Variants in SP100 observed in about 807,000 individuals in gnomAD.
SP100 encodes nuclear autoantigen Sp-100.
Under a neutral mutation model 130.0 loss-of-function variants are expected in SP100, and 84 were observed. That is an observed-to-expected ratio of 0.65 (90% confidence interval 0.54 to 0.77). SP100 has a LOEUF of 0.77. Ranked by LOEUF, SP100 falls within the 30% of genes least tolerant of loss-of-function variation. SP100 has a pLI of 0.00. For synonymous variants in SP100, 331 were observed against 351.7 expected (o/e 0.94, Z 0.66); for missense variants, 978 against 1,052.2 (o/e 0.93, Z 0.97).
chr2:230,476,123 T>G (rs149817522), intron 17 of SP100, among the ~76,000 whole-genome samples: 29 of 152,366 alleles, frequency 1.9e-4, no homozygotes, highest in African/African-American at 6.7e-4. Flanking sequence ...TAAATTGATT[T>G]AAACAGTATA....
chr2:230,472,427 C>CAAAAAAAAAAAAAAA (rs201703163), intron 15 of SP100, among the ~76,000 whole-genome samples: 2 of 61,320 alleles, frequency 3.3e-5, no homozygotes, highest in Non-Finnish European at 5.4e-5. Context: ...GACTCCGTCT[C>CAAAAAAAAAAAAAAA]AAAAAAAAAA....
In SP100 at chr2:230,543,716, T is replaced by C. The variant is rs1692247832; in HGVS notation, c.*770T>C. ...CCTGTGTAGAAACAGTCAATATCAT[T>C]AAAATGACCATACTGCCCAAAGCAG... is the stretch of plus-strand genomic sequence containing the variant. On this transcript the variant is annotated 3_prime_UTR_variant, in exon 29 of 29. Coordinates refer to ENST00000340126, the MANE Select transcript of SP100 (RefSeq NM_001080391.2). The C allele has an allele frequency of 2.0e-5, 3 of 152,168 alleles. No individual in the cohort carries two copies. Among genetic ancestry groups the C allele is most frequent in the Admixed American group, 2.0e-4 (3 of 15,268 alleles). 9.4% of individuals were successfully genotyped at this position (152,168 alleles called of 1,614,324 possible). A position where few individuals can be genotyped will look rare whatever the true frequency, so the allele number is the denominator to read the frequency against.
At chr2:230,478,621 A>G (rs1290176393) in intron 17 of SP100, among the ~76,000 whole-genome samples, 4 of 152,082 alleles carry the variant, frequency 2.6e-5, no homozygotes, top group African/African-American at 7.2e-5. Flanking sequence ...TTCCACAACT[A>G]TGGGTCGAGG....
chr2:230,515,269 G>C, intron 24 of SP100: 4 of 1,611,518 alleles, frequency 2.5e-6, no homozygotes, highest in Non-Finnish European at 3.4e-6. Context: ...CCCTCCTAAA[G>C]GGGAGAAAAA....
chr2:230,444,200 A>C lies in SP100; in HGVS notation c.293A>C (p.Asn98Thr). 1 of 1,584,594 alleles carries C rather than the reference A, an allele frequency of 6.3e-7. No individual in the cohort carries two copies. Among genetic ancestry groups the C allele is most frequent in the Non-Finnish European group, 8.5e-7 (1 of 1,170,066 alleles). ...AAGGATTCTCAAGATTCTTGTAGAA[A>C]CCTGGTCCCTGTACAGAGAGTGGTG... The part of the protein sequence containing the change: ...MFEDSQDSCR[N>T]LVPVQRVVYN... The change falls in exon 4 of 29, where the codon AAC (asparagine) becomes ACC (threonine). Residue 98 changes from asparagine to threonine, a missense_variant. Asn to Thr is a moderately conservative substitution (Grantham distance 65, BLOSUM62 0). Coordinates refer to ENST00000340126, the MANE Select transcript of SP100 (RefSeq NM_001080391.2).
intron 8 of SP100, among the ~76,000 whole-genome samples, chr2:230,451,809 T>C (rs983295459): frequency 1.6e-4 from 7 of 43,222 alleles, no homozygotes; most frequent in African/African-American, 6.7e-4. Flanking sequence ...TTTGAGTTAA[T>C]TTTTTAATAT....
intron 2 of SP100, among the ~76,000 whole-genome samples, chr2:230,438,639 G>GTGTATATA (rs1553634650): frequency 5.3e-4 from 71 of 135,134 alleles, no homozygotes; most frequent in Admixed American, 1.0e-3. Context: ...ACTCCATGGT[G>GTGTATATA]TATATATATA....
intron 8 of SP100, among the ~76,000 whole-genome samples, chr2:230,457,763 G>A (rs548654189): frequency 2.6e-5 from 4 of 152,256 alleles, no homozygotes; most frequent in East Asian, 1.9e-4. Flanking sequence ...TGCATAGGTC[G>A]TTGTTCACAT....
chr2:230,484,870 T>A lies in SP100; in HGVS notation c.1601-9546T>A, dbSNP rs2065991641. 2.0e-5 allele frequency among the ~76,000 whole-genome samples: 3 copies of A among 152,138 alleles called. No individual in the cohort carries two copies. The South Asian group carries it at 6.2e-4, about 31-fold the overall frequency. On this transcript the variant is annotated intron_variant, in intron 17 of 28. Coordinates refer to ENST00000340126, the MANE Select transcript of SP100 (RefSeq NM_001080391.2). The stretch of plus-strand genomic sequence containing the variant: ...TGTTCTAACTTTTCCGAGGCATATG[T>A]TTAATTCAACTGGTGTCTTTTTTTC...
intron 5 of SP100, among the ~76,000 whole-genome samples, chr2:230,447,319 A>T (rs976676305): frequency 1.2e-4 from 18 of 152,210 alleles, no homozygotes; most frequent in African/African-American, 4.3e-4. Flanking sequence ...GACACCAAAC[A>T]TGTCGGTGAT....
At chr2:230,531,976 T>C (rs2150109062) in intron 24 of SP100, among the ~76,000 whole-genome samples, 1 of 152,156 alleles carries the variant, frequency 6.6e-6, no homozygotes, top group Non-Finnish European at 1.5e-5. Flanking sequence ...ATTTTCCTTA[T>C]ATATACATAT....
At chr2:230,440,714 T>C (rs1387329058) in intron 2 of SP100, among the ~76,000 whole-genome samples, 1 of 152,118 alleles carries the variant, frequency 6.6e-6, no homozygotes, top group African/African-American at 2.4e-5. Context: ...AGATAATGTA[T>C]AAAAGCAAAG....
At chr2:230,438,200 ATAT>A (rs1006126135) in intron 2 of SP100, among the ~76,000 whole-genome samples, 2 of 151,856 alleles carry the variant, frequency 1.3e-5, no homozygotes, top group African/African-American at 2.4e-5. Context: ...TTCTTTTTCA[ATAT>A]TATTAATATT....
chr2:230,466,207 T>A lies in SP100; in HGVS notation c.1142-94T>A, dbSNP rs558165571. 1,649 of 352,992 alleles carry A rather than the reference T, an allele frequency of 4.7e-3. 30 individuals are homozygous for A. The highest frequency in any genetic ancestry group is 0.044 in the African/African-American group (1,518 of 34,444). 21.9% of individuals were successfully genotyped at this position (352,992 alleles called of 1,614,324 possible). On this transcript the variant is annotated intron_variant, in intron 11 of 28. Coordinates refer to ENST00000340126, the MANE Select transcript of SP100 (RefSeq NM_001080391.2). ...CTCAAAAAAAAAAAAAAAAAAACTT[T>A]GTTATTAACCCAAGCCCATTTGCCA...
chr2:230,511,228 G>A, intron 24 of SP100, 62 bp downstream of exon 24: 1 of 1,093,990 alleles, frequency 9.1e-7, no homozygotes, highest in Non-Finnish European at 1.4e-6. Context: ...GGCACACTAT[G>A]TCATGACTGC....
At chr2:230,425,856 T>G (rs910854181) in intron 2 of SP100, among the ~76,000 whole-genome samples, 2 of 152,252 alleles carry the variant, frequency 1.3e-5, no homozygotes, top group East Asian at 1.9e-4. Flanking sequence ...TCTTAAATGC[T>G]TGGTAGAATT....
intron 17 of SP100, among the ~76,000 whole-genome samples, chr2:230,477,749 C>A (rs1039660142): frequency 8.6e-5 from 13 of 151,992 alleles, no homozygotes; most frequent in African/African-American, 3.1e-4. Flanking sequence ...AACTCCTTCC[C>A]AAGTCCATTG....
intron 22 of SP100, 139 bp from the exon 23 acceptor site, chr2:230,507,854 G>A (rs1690239573): frequency 2.7e-6 from 2 of 730,502 alleles, no homozygotes. Context: ...ATCATGAAAA[G>A]TAATTTCCAT....
intron 24 of SP100, among the ~76,000 whole-genome samples, chr2:230,522,906 C>A (rs1691244146): frequency 6.6e-6 from 1 of 151,974 alleles, no homozygotes; most frequent in South Asian, 2.1e-4. Flanking sequence ...CCTCCATTTC[C>A]TAGGTTCAAG....
Sources: allele counts gnomAD v4.1 joint callset (sites outside exome capture counted in the v4.1 genomes callset), GRCh38; gene constraint gnomAD v4.1.1; transcripts MANE v1.5; gene names NCBI Gene and HGNC (gene_info 2026-07-23, HGNC 2026-07-21).